PIK3C2A: variants seen among roughly 807,000 people sequenced by gnomAD.
The protein encoded by PIK3C2A is phosphatidylinositol-4-phosphate 3-kinase catalytic subunit type 2 alpha.
PIK3C2A carries 97 observed loss-of-function variants against 204.5 expected under a neutral mutation model. The observed-to-expected ratio is 0.47, with a 90% confidence interval of 0.40 to 0.56. The LOEUF is 0.56. Ranked by LOEUF, PIK3C2A falls within the 20% of genes least tolerant of loss-of-function variation. PIK3C2A has a pLI of 0.00. For synonymous variants in PIK3C2A, 653 were observed against 664.4 expected (o/e 0.98, Z 0.26); for missense variants, 1,735 against 1,969.2 (o/e 0.88, Z 2.25).
At chr11:17,187,652 T>C (rs1017878873) in intron 1 of PIK3C2A, among the ~76,000 whole-genome samples, 2 of 152,064 alleles carry the variant, frequency 1.3e-5, no homozygotes, top group African/African-American at 4.8e-5. Context: ...CAAGGGTATA[T>C]TATGCTTTCA....
At chr11:17,184,378 T>C (rs1292688392) in intron 1 of PIK3C2A, among the ~76,000 whole-genome samples, 1 of 152,122 alleles carries the variant, frequency 6.6e-6, no homozygotes, top group Non-Finnish European at 1.5e-5. Flanking sequence ...GGAAAACAGC[T>C]GTATTGATTA....
chr11:17,102,790 T>TA lies in PIK3C2A; in HGVS notation c.3722dup (p.Ala1242SerfsTer9). On this transcript the variant is annotated frameshift_variant, in exon 24 of 33. Transcript: ENST00000691414. LOFTEE classifies it high-confidence loss of function. ...CACAGATGCCTAAAACATAGGTGGC[T>TA]ACACAGCATCCAGCACAGGAATAGA... is the stretch of plus-strand genomic sequence containing the variant. 6.2e-7 allele frequency: 1 copy of TA among 1,612,158 alleles called. No homozygotes were observed. Among genetic ancestry groups the TA allele is most frequent in the Non-Finnish European group, 8.5e-7 (1 of 1,178,268 alleles).
rs1034888256 is a variant in PIK3C2A, at chr11:17,091,715, A to G, written c.4643-59T>C. ...GGTTGTAGTGGTTCAAGCTGCAATA[A>G]AAGGATTTTGCTTTATTTTCAAGAC... On this transcript the variant is annotated intron_variant, in intron 30 of 32. Coordinates refer to ENST00000691414, the MANE Select transcript of PIK3C2A (RefSeq NM_002645.4). The G allele has an allele frequency of 3.6e-5, 42 of 1,179,162 alleles. No individual in the cohort carries two copies. In the East Asian group the frequency reaches 1.0e-3, roughly 28 times the overall value. The allele number at this position is 1,179,162 out of a possible 1,614,324, so 73.0% of individuals were successfully genotyped here.
chr11:17,119,241 A>T lies in PIK3C2A; in HGVS notation c.2919T>A (p.Asp973Glu), dbSNP rs1565254267. 1.3e-6 allele frequency: 2 copies of T among 1,596,836 alleles called. No individual in the cohort carries two copies. The highest frequency in any genetic ancestry group is 1.3e-5 in the African/African-American group (1 of 74,558). The change falls in exon 17 of 33, where the codon GAT becomes GAA. Residue 973 changes from aspartate (D) to glutamate (E), a missense_variant. By Grantham distance (45) the Asp-to-Glu change is conservative (BLOSUM62 2). Transcript: ENST00000691414. ...TCACTTGTACAAACTGTGGAAGAAGATCTGTTAGCTCATCATCACTAATGG... is the reference window on the plus strand; with the variant it reads ...TCACTTGTACAAACTGTGGAAGAAGTTCTGTTAGCTCATCATCACTAATGG... ...IEAISDDELT[D>E]LLPQFVQALK...
At chr11:17,201,296 A>C (rs1852364060) in intron 1 of PIK3C2A, among the ~76,000 whole-genome samples, 1 of 151,988 alleles carries the variant, frequency 6.6e-6, no homozygotes, top group Non-Finnish European at 1.5e-5. Context: ...CAGGAGGCCG[A>C]GGCAGGCAGA....
In PIK3C2A at chr11:17,147,525, C is replaced by T. The variant is rs372724550; in HGVS notation, c.1552G>A (p.Ala518Thr). 136 of 1,591,078 alleles carry T rather than the reference C, an allele frequency of 8.5e-5. No individual in the cohort carries two copies. Among genetic ancestry groups the T allele is most frequent in the Non-Finnish European group, 1.1e-4 (130 of 1,159,300 alleles). ...LTFSAMCQNL[A>T]RTAEDDETPV... The stretch of plus-strand genomic sequence containing the variant: ...ATGAGGTACACACTTACTGTTCGGG[C>T]CAGATTTTGACACATTGCACTGAAG... Residue 518 changes from alanine (A) to threonine (T), a missense_variant, in exon 6 of 33, where the codon GCC (alanine) becomes ACC (threonine). Ala to Thr is a moderately conservative substitution (Grantham distance 58). Around this residue, in one of 6 missense-constraint regions of PIK3C2A, gnomAD observed 106 missense variants for 108.2 expected, o/e 0.98. Coordinates refer to ENST00000691414, the MANE Select transcript of PIK3C2A (RefSeq NM_002645.4).
At chr11:17,153,527 G>T (rs1850486859) in intron 3 of PIK3C2A, among the ~76,000 whole-genome samples, 1 of 151,526 alleles carries the variant, frequency 6.6e-6, no homozygotes, top group Non-Finnish European at 1.5e-5. Context: ...GAAAGAAATA[G>T]GACAAAAAAC....
At chr11:17,092,958 C>T (rs1848351980) in intron 28 of PIK3C2A, among the ~76,000 whole-genome samples, 1 of 152,172 alleles carries the variant, frequency 6.6e-6, no homozygotes, top group African/African-American at 2.4e-5. Context: ...AAAATCACTA[C>T]TCAATCAGCC....
chr11:17,201,780 C>T (rs758072444), intron 1 of PIK3C2A, among the ~76,000 whole-genome samples: 1 of 151,982 alleles, frequency 6.6e-6, no homozygotes, highest in East Asian at 1.9e-4. Context: ...TTTTCTTTCC[C>T]GTAACAAATT....
chr11:17,196,654 C>T (rs1214633142), intron 1 of PIK3C2A, among the ~76,000 whole-genome samples: 1 of 152,064 alleles, frequency 6.6e-6, no homozygotes, highest in South Asian at 2.1e-4. Flanking sequence ...ACTGCAAGCT[C>T]CGCCTCCCGG....
chr11:17,165,808 A>G (rs908433359), intron 2 of PIK3C2A, among the ~76,000 whole-genome samples: 15 of 125,274 alleles, frequency 1.2e-4, no homozygotes, highest in East Asian at 2.2e-4. Context: ...AAAAAAAAAA[A>G]GGGAGGGCTT....
chr11:17,187,521 A>G (rs1350331923), intron 1 of PIK3C2A, among the ~76,000 whole-genome samples: 1 of 152,154 alleles, frequency 6.6e-6, no homozygotes, highest in Non-Finnish European at 1.5e-5. Flanking sequence ...GAAACCCTGC[A>G]CCCATTAGCA....
At chr11:17,158,657 C>A (rs562309274) in intron 2 of PIK3C2A, among the ~76,000 whole-genome samples, 10 of 152,156 alleles carry the variant, frequency 6.6e-5, no homozygotes, top group African/African-American at 2.4e-4. Context: ...AACGTTGTGA[C>A]CTTTGTGGGA....
chr11:17,167,607 GC>G (rs1851009121), intron 2 of PIK3C2A, among the ~76,000 whole-genome samples: 1 of 152,122 alleles, frequency 6.6e-6, no homozygotes, highest in Admixed American at 6.6e-5. Context: ...GGCAACAAGA[GC>G]AAAACTTCAT....
At chr11:17,205,473 CAAAAAAAA>C (rs755518412) in intron 1 of PIK3C2A, among the ~76,000 whole-genome samples, 35 of 25,366 alleles carry the variant, frequency 1.4e-3, no homozygotes, top group African/African-American at 3.1e-3. Context: ...GACTCCATCT[CAAAAAAAA>C]AAAAAAAAAA....
At chr11:17,102,048 T>C (rs1433043393) in intron 24 of PIK3C2A, among the ~76,000 whole-genome samples, 3 of 152,330 alleles carry the variant, frequency 2.0e-5, no homozygotes, top group South Asian at 2.1e-4. Context: ...GTTACAAACA[T>C]AGAAAACTAC....
intron 1 of PIK3C2A, among the ~76,000 whole-genome samples, chr11:17,177,853 G>GAGGC (rs764184923): frequency 6.6e-5 from 10 of 152,164 alleles, no homozygotes; most frequent in Non-Finnish European, 1.5e-4. Context: ...AGCACTTTGG[G>GAGGC]AGGCCAAGGC....
intron 21 of PIK3C2A, among the ~76,000 whole-genome samples, chr11:17,112,159 G>A (rs897931005): frequency 2.6e-5 from 4 of 151,892 alleles, no homozygotes; most frequent in East Asian, 1.9e-4. Flanking sequence ...ATCAAAACAC[G>A]TAAAATTTTT....
At chr11:17,193,765 G>A (rs1852021157) in intron 1 of PIK3C2A, among the ~76,000 whole-genome samples, 1 of 150,388 alleles carries the variant, frequency 6.6e-6, no homozygotes, top group African/African-American at 2.5e-5. Context: ...AGAATTGCTT[G>A]AAATCAGAAG....
Sources: gnomAD v4.1 joint callset for allele counts (sites outside exome capture counted in the v4.1 genomes callset) on GRCh38, gnomAD v4.1.1 for gene constraint, gnomAD v4.1.1 regional missense constraint, MANE v1.5 for transcripts, NCBI Gene and HGNC (gene_info 2026-07-23, HGNC 2026-07-21) for gene names.